The following SLC24A2 variants were observed in gnomAD, a reference collection of about 807,000 sequenced individuals.
SLC24A2 encodes solute carrier family 24 member 2.
SLC24A2 carries 36 observed loss-of-function variants against 62.0 expected under a neutral mutation model. The ratio of observed to expected loss-of-function variants is 0.58; its 90% CI spans 0.44 to 0.77. The LOEUF (loss-of-function observed/expected upper bound fraction) is 0.77. SLC24A2 is among the 30% of genes least tolerant of loss of function. The probability of loss-of-function intolerance (pLI) is 0.00; values close to 1 mark genes in which losing one functional copy is unlikely to be tolerated. For missense variants in SLC24A2, 846 were observed against 817.9 expected (o/e 1.03, Z -0.42); for synonymous variants, 358 against 294.0 (o/e 1.22, Z -2.23).
the SLC24A2 span, among the ~76,000 whole-genome samples, chr9:20,000,252 A>G: frequency 8.5e-5 from 13 of 152,336 alleles, no homozygotes; most frequent in African/African-American, 3.1e-4. Flanking sequence ...TGTGCTAAGC[A>G]TATTACATGG....
At chr9:19,881,304 A>G in the SLC24A2 span, among the ~76,000 whole-genome samples, 1 of 152,174 alleles carries the variant, frequency 6.6e-6, no homozygotes, top group African/African-American at 2.4e-5. Context: ...GAAAGAGCAA[A>G]TAGTGTCCCC....
At chr9:19,747,743 C>T (rs1366418362) in intron 2 of SLC24A2, among the ~76,000 whole-genome samples, 3 of 152,178 alleles carry the variant, frequency 2.0e-5, no homozygotes, top group Non-Finnish European at 4.4e-5. Context: ...CCATAGACTG[C>T]TTGAACACAC....
At chr9:19,526,175 T>C (rs1035690757) in intron 9 of SLC24A2, among the ~76,000 whole-genome samples, 8 of 152,246 alleles carry the variant, frequency 5.3e-5, no homozygotes, top group African/African-American at 1.9e-4. Flanking sequence ...TTGTAGCATG[T>C]ATTGGTACTT....
chr9:20,120,710 GA>G, the SLC24A2 span, among the ~76,000 whole-genome samples: 30 of 150,310 alleles, frequency 2.0e-4, no homozygotes, highest in Admixed American at 1.1e-3. Flanking sequence ...AAAAGTTGGG[GA>G]AAAAAAAATA....
chr9:19,693,024 G>C (rs1444610822), intron 2 of SLC24A2, among the ~76,000 whole-genome samples: 2 of 152,050 alleles, frequency 1.3e-5, no homozygotes, highest in Non-Finnish European at 2.9e-5. Flanking sequence ...TTGACTGATA[G>C]GGCATTTGTG....
intron 1 of SLC24A2, 199 bp downstream of exon 1, chr9:19,788,686 G>T (rs1823251905): frequency 1.0e-6 from 1 of 985,142 alleles, no homozygotes; most frequent in Non-Finnish European, 1.2e-6. Flanking sequence ...AAAAGCAAGG[G>T]TAGGAGAGGC....
chr9:20,003,430 C>T, the SLC24A2 span, among the ~76,000 whole-genome samples: 1 of 152,148 alleles, frequency 6.6e-6, no homozygotes, highest in Non-Finnish European at 1.5e-5. Context: ...AAATTTCAAG[C>T]TATCAAAATG....
chr9:19,511,392 A>C lies in SLC24A2; in HGVS notation c.*4761T>G, dbSNP rs1832710730. The C allele has an allele frequency of 6.6e-6, 1 of 152,194 alleles. No homozygotes were observed. Among genetic ancestry groups the C allele is most frequent in the Admixed American group, 6.5e-5 (1 of 15,276 alleles). 9.4% of individuals were successfully genotyped at this position (152,194 alleles called of 1,614,324 possible). A position where few individuals can be genotyped will look rare whatever the true frequency, so the allele number is the denominator to read the frequency against. On this transcript the variant is annotated 3_prime_UTR_variant, in exon 11 of 11. Coordinates refer to ENST00000341998, the MANE Select transcript of SLC24A2 (RefSeq NM_020344.4). The stretch of plus-strand genomic sequence containing the variant: ...GTCTTCCTGAGATTATTTTTTAAAA[A>C]AATCTAAAACTGTATATGGGCTCTT...
rs1425825618 is a variant in SLC24A2 at position 19,632,523 on chromosome 9, A to G, written c.931-10224T>C. On this transcript the variant is annotated intron_variant, in intron 2 of 10. Coordinates refer to ENST00000341998, the MANE Select transcript of SLC24A2 (RefSeq NM_020344.4). This position sits in a 1 kb window ranked among gnomAD's most constrained non-coding sequence, Gnocchi z 4.5. ...AATTAAGTAGCAACAGCAGCAGTTA[A>G]TATATGAAATCCTTGCTGACCTTTA... Among the ~76,000 whole-genome samples the G allele has an allele frequency of 6.6e-6, 1 of 152,230 alleles. No homozygotes were observed. The highest frequency in any genetic ancestry group is 1.5e-5 in the Non-Finnish European group (1 of 68,034).
chr9:19,539,421 T>C (rs1834145348), intron 8 of SLC24A2, among the ~76,000 whole-genome samples: 1 of 151,928 alleles, frequency 6.6e-6, no homozygotes, highest in Admixed American at 6.6e-5. Flanking sequence ...TTCTCGCTGG[T>C]TTCGAAGAAC....
intron 2 of SLC24A2, among the ~76,000 whole-genome samples, chr9:19,749,706 C>A (rs958598942): frequency 6.6e-6 from 1 of 152,098 alleles, no homozygotes; most frequent in African/African-American, 2.4e-5. Flanking sequence ...GATAAACTTA[C>A]GCTAAAAAAT....
At chr9:20,039,365 C>T in the SLC24A2 span, among the ~76,000 whole-genome samples, 6 of 152,042 alleles carry the variant, frequency 3.9e-5, no homozygotes, top group African/African-American at 7.2e-5. Context: ...AACTGGGATG[C>T]GGCAGCTGGC....
At chr9:20,141,548 T>C in the SLC24A2 span, among the ~76,000 whole-genome samples, 2 of 151,950 alleles carry the variant, frequency 1.3e-5, no homozygotes, top group Admixed American at 6.6e-5. Context: ...TAACATCTCC[T>C]TAATTAACTG....
the SLC24A2 span, among the ~76,000 whole-genome samples, chr9:20,191,275 T>A: frequency 6.6e-6 from 1 of 152,080 alleles, no homozygotes. Context: ...CCTTAGTAAG[T>A]ATGTAGTTTA....
chr9:19,818,428 C>T, the SLC24A2 span, among the ~76,000 whole-genome samples: 9 of 152,170 alleles, frequency 5.9e-5, no homozygotes, highest in Admixed American at 2.6e-4. Context: ...TGTTTGCTGA[C>T]GATATGATCG....
chr9:19,634,281 C>CTTTTTT (rs35884916), intron 2 of SLC24A2, among the ~76,000 whole-genome samples: 6 of 79,302 alleles, frequency 7.6e-5, no homozygotes, highest in East Asian at 4.2e-4. Context: ...ACTGCAGCCT[C>CTTTTTT]TTTTTTTTTT....
At chr9:19,891,050 T>C in the SLC24A2 span, among the ~76,000 whole-genome samples, 1 of 152,328 alleles carries the variant, frequency 6.6e-6, no homozygotes, top group East Asian at 1.9e-4. Context: ...ACCTTTGATT[T>C]CTCTTCTTTG....
chr9:19,911,780 G>A, the SLC24A2 span, among the ~76,000 whole-genome samples: 2 of 152,122 alleles, frequency 1.3e-5, no homozygotes, highest in Non-Finnish European at 2.9e-5. Context: ...CTGTGGTTAT[G>A]GGAGACACAT....
the SLC24A2 span, among the ~76,000 whole-genome samples, chr9:19,901,948 G>T: frequency 6.6e-6 from 1 of 152,186 alleles, no homozygotes; most frequent in Non-Finnish European, 1.5e-5. Context: ...TTTGAACATT[G>T]CTTACCTTGA....
Sources: allele counts gnomAD v4.1 joint callset (sites outside exome capture counted in the v4.1 genomes callset), GRCh38; gene constraint gnomAD v4.1.1; non-coding constraint Gnocchi (gnomAD v3.1); transcripts MANE v1.5; gene names NCBI Gene and HGNC (gene_info 2026-07-23, HGNC 2026-07-21).